The following CAMTA1 variants were observed in gnomAD, a reference collection of about 807,000 sequenced individuals.
CAMTA1 encodes the protein calmodulin binding transcription activator 1.
CAMTA1 carries 27 observed loss-of-function variants against 170.9 expected under a neutral mutation model. The ratio of observed to expected loss-of-function variants is 0.16; its 90% CI spans 0.12 to 0.22. CAMTA1 has a LOEUF of 0.22. Among genes scored for constraint, CAMTA1 ranks in the 10% least tolerant of loss-of-function variants. The probability of loss-of-function intolerance (pLI) is 1.00; values close to 1 mark genes in which losing one functional copy is unlikely to be tolerated. For synonymous variants in CAMTA1, 833 were observed against 891.5 expected (o/e 0.93, Z 1.17); for missense variants, 1,619 against 2,217.2 (o/e 0.73, Z 5.42).
chr1:7,646,253 T>G, intron 7 of CAMTA1, among the ~76,000 whole-genome samples: 1 of 129,866 alleles, frequency 7.7e-6, no homozygotes, highest in Non-Finnish European at 1.6e-5. Flanking sequence ...CCTGCCCTGG[T>G]GAGTTGGATG....
At chr1:7,502,058 C>A (rs533341396) in intron 6 of CAMTA1, among the ~76,000 whole-genome samples, 3 of 152,366 alleles carry the variant, frequency 2.0e-5, no homozygotes, top group South Asian at 4.1e-4. Context: ...AGCAGCAAGG[C>A]GCCTGCTGGT....
intron 6 of CAMTA1, among the ~76,000 whole-genome samples, chr1:7,478,704 G>A (rs555152569): frequency 7.8e-5 from 5 of 64,368 alleles, no homozygotes; most frequent in Admixed American, 3.9e-4. Flanking sequence ...ATACAGTTTG[G>A]TTACTATCTT....
chr1:7,103,461 A>C, intron 4 of CAMTA1, among the ~76,000 whole-genome samples: 1 of 148,896 alleles, frequency 6.7e-6, no homozygotes, highest in South Asian at 2.1e-4. Context: ...ACAACTACAC[A>C]CATGTACACA....
At chr1:6,803,354 A>G (rs997302245) in intron 1 of CAMTA1, among the ~76,000 whole-genome samples, 11 of 152,216 alleles carry the variant, frequency 7.2e-5, no homozygotes, top group Admixed American at 6.5e-5. Context: ...CTTTAAGTGT[A>G]TGTGGCTGCC....
At chr1:7,133,534 C>T (rs1410172941) in intron 4 of CAMTA1, among the ~76,000 whole-genome samples, 3 of 152,062 alleles carry the variant, frequency 2.0e-5, no homozygotes, top group African/African-American at 4.8e-5. Flanking sequence ...CCGTTAATTC[C>T]ATTGATGTTT....
chr1:7,186,901 C>A, intron 4 of CAMTA1, among the ~76,000 whole-genome samples: 1 of 152,072 alleles, frequency 6.6e-6, no homozygotes, highest in Middle Eastern at 3.4e-3. Flanking sequence ...GTCTTCCCGG[C>A]GGGGGCGTGA....
chr1:6,912,478 T>C (rs772056266), intron 3 of CAMTA1, among the ~76,000 whole-genome samples: 1 of 152,272 alleles, frequency 6.6e-6, no homozygotes, highest in Non-Finnish European at 1.5e-5. Flanking sequence ...CTCTGGATTT[T>C]AGTCTGTCTT....
intron 6 of CAMTA1, among the ~76,000 whole-genome samples, chr1:7,558,057 A>C (rs12043374): frequency 0.14 from 21,421 of 152,116 alleles, 1,825 homozygotes; most frequent in East Asian, 0.44. Flanking sequence ...AGTGATAACC[A>C]GGCCTCCTCC....
intron 4 of CAMTA1, among the ~76,000 whole-genome samples, chr1:7,106,426 C>A (rs1365444729): frequency 6.6e-6 from 1 of 152,072 alleles, no homozygotes; most frequent in Non-Finnish European, 1.5e-5. Context: ...TTTTCTTTCT[C>A]CTGTCCGGCC....
chr1:7,248,193 AT>A lies in CAMTA1; in HGVS notation c.303-1297del, dbSNP rs1182811342. On this transcript the variant is annotated intron_variant, in intron 4 of 22. Coordinates refer to ENST00000303635, the MANE Select transcript of CAMTA1 (RefSeq NM_015215.4). The surrounding 1 kb of genome is among the most constrained non-coding windows in gnomAD (Gnocchi z 4.0). ...TAGAATATGAAGCCATCAACAGCCA[AT>A]GTTCTGTGCTGCTTGTGAAATGGCC... Among the ~76,000 whole-genome samples the A allele has an allele frequency of 2.0e-5, 3 of 152,158 alleles. No homozygotes were observed. The highest frequency in any genetic ancestry group is 4.4e-5 in the Non-Finnish European group (3 of 68,018).
intron 5 of CAMTA1, among the ~76,000 whole-genome samples, chr1:7,338,522 A>G (rs2083564163): frequency 6.6e-6 from 1 of 152,170 alleles, no homozygotes; most frequent in Non-Finnish European, 1.5e-5. Flanking sequence ...TCAAATATTG[A>G]TTGAGCACCT....
chr1:7,187,804 T>C (rs561114047), intron 4 of CAMTA1, among the ~76,000 whole-genome samples: 2 of 152,262 alleles, frequency 1.3e-5, no homozygotes, highest in African/African-American at 4.8e-5. Flanking sequence ...GAGGCCAGGG[T>C]CTGTATTTGC....
intron 4 of CAMTA1, among the ~76,000 whole-genome samples, chr1:7,171,934 T>C (rs1457364139): frequency 6.6e-6 from 1 of 152,256 alleles, no homozygotes; most frequent in Non-Finnish European, 1.5e-5. Context: ...TTGTCGCACA[T>C]GTCAGTGCTT....
chr1:6,887,982 G>A lies in CAMTA1; in HGVS notation c.234+62772G>A. On this transcript the variant is annotated intron_variant, in intron 3 of 22. Coordinates refer to ENST00000303635, the MANE Select transcript of CAMTA1 (RefSeq NM_015215.4). This position sits in a 1 kb window ranked among gnomAD's most constrained non-coding sequence, Gnocchi z 4.1. The stretch of plus-strand genomic sequence containing the variant: ...TGTGCACACGCCTCCTGGTCCAGAG[G>A]CCTCCGTGACCATCCATGATGCCAC... The A allele has an allele frequency of 8.3e-7, 1 of 1,198,450 alleles. No homozygotes were observed. The highest frequency in any genetic ancestry group is 1.0e-6 in the Non-Finnish European group (1 of 957,382). The allele number at this position is 1,198,450 out of a possible 1,614,324, so 74.2% of individuals were successfully genotyped here. A position where few individuals can be genotyped will look rare whatever the true frequency, so the allele number is the denominator to read the frequency against.
chr1:7,148,087 C>T (rs971933393), intron 4 of CAMTA1, among the ~76,000 whole-genome samples: 1 of 151,798 alleles, frequency 6.6e-6, no homozygotes, highest in South Asian at 2.1e-4. Context: ...ACACCATGCA[C>T]ACACTCAAAC....
intron 11 of CAMTA1, among the ~76,000 whole-genome samples, chr1:7,687,101 G>A (rs138621392): frequency 2.6e-4 from 39 of 151,992 alleles, no homozygotes; most frequent in African/African-American, 9.2e-4. Flanking sequence ...AGTCCTCCGC[G>A]TGCAGATGGC....
chr1:7,701,582 A>G (rs957067619), intron 11 of CAMTA1, among the ~76,000 whole-genome samples: 2 of 151,462 alleles, frequency 1.3e-5, no homozygotes, highest in Non-Finnish European at 2.9e-5. Flanking sequence ...CACCCCGCTA[A>G]TTTTTTTTAA....
At chr1:7,342,287 C>T (rs1054651581) in intron 5 of CAMTA1, among the ~76,000 whole-genome samples, 7 of 152,150 alleles carry the variant, frequency 4.6e-5, no homozygotes, top group African/African-American at 1.7e-4. Context: ...GCCCGGGGGT[C>T]CCCTGGGCTT....
chr1:7,551,784 A>G (rs1408215938), intron 6 of CAMTA1, among the ~76,000 whole-genome samples: 1 of 152,170 alleles, frequency 6.6e-6, no homozygotes, highest in Non-Finnish European at 1.5e-5. Context: ...GCTCCCTAAG[A>G]GGTTCTCTCT....
Sources: gnomAD v4.1 joint callset for allele counts (sites outside exome capture counted in the v4.1 genomes callset) on GRCh38, gnomAD v4.1.1 for gene constraint, Gnocchi (gnomAD v3.1) non-coding constraint, MANE v1.5 for transcripts, NCBI Gene and HGNC (gene_info 2026-07-23, HGNC 2026-07-21) for gene names.